Variants in SLC24A2 observed in about 807,000 individuals in gnomAD.
The protein encoded by SLC24A2 is solute carrier family 24 member 2.
Under a neutral mutation model 62.0 loss-of-function variants are expected in SLC24A2, and 36 were observed. The observed-to-expected ratio is 0.58, with a 90% confidence interval of 0.44 to 0.77. SLC24A2 has a LOEUF of 0.77. Ranked by LOEUF, SLC24A2 falls within the 30% of genes least tolerant of loss-of-function variation. The probability of loss-of-function intolerance (pLI) is 0.00; values close to 1 mark genes in which losing one functional copy is unlikely to be tolerated. For synonymous variants in SLC24A2, 358 were observed against 294.0 expected, an observed-to-expected ratio of 1.22 and a Z score of -2.23; for missense variants, 846 against 817.9, an observed-to-expected ratio of 1.03 and a Z score of -0.42.
At chr9:20,108,757 G>A in the SLC24A2 span, among the ~76,000 whole-genome samples, 37 of 151,846 alleles carry the variant, frequency 2.4e-4, no homozygotes, top group African/African-American at 8.0e-4. Flanking sequence ...TAAATGATGA[G>A]TTAATGGGTG....
chr9:19,549,980 C>A (rs73645420), intron 8 of SLC24A2, among the ~76,000 whole-genome samples, 157 bp downstream of exon 8: 1 of 151,990 alleles, frequency 6.6e-6, no homozygotes, highest in African/African-American at 2.4e-5. Flanking sequence ...AATATTTTTT[C>A]TTGTTACATA....
the SLC24A2 span, among the ~76,000 whole-genome samples, chr9:19,925,547 C>A: frequency 1.3e-5 from 2 of 152,152 alleles, no homozygotes; most frequent in African/African-American, 4.8e-5. Flanking sequence ...CAGCCAACAC[C>A]TGTACCAAGA....
chr9:20,201,545 T>G, the SLC24A2 span, among the ~76,000 whole-genome samples: 1 of 152,180 alleles, frequency 6.6e-6, no homozygotes, highest in Non-Finnish European at 1.5e-5. Flanking sequence ...AAAAGAGAGC[T>G]GTCATGTTAC....
the SLC24A2 span, among the ~76,000 whole-genome samples, chr9:19,886,255 C>A: frequency 6.6e-6 from 1 of 152,302 alleles, no homozygotes; most frequent in Non-Finnish European, 1.5e-5. Flanking sequence ...ACCTCTCCAG[C>A]ATCTATGATT....
At chr9:20,127,865 A>T in the SLC24A2 span, among the ~76,000 whole-genome samples, 1 of 152,120 alleles carries the variant, frequency 6.6e-6, no homozygotes, top group African/African-American at 2.4e-5. Flanking sequence ...TAGAGGAGAG[A>T]CGGTCACTCT....
chr9:19,649,084 T>C (rs1417101975), intron 2 of SLC24A2, among the ~76,000 whole-genome samples: 1 of 149,370 alleles, frequency 6.7e-6, no homozygotes, highest in Non-Finnish European at 1.5e-5. Context: ...TCTAGAAAAG[T>C]TCCAAGGTCA....
rs78928246 is a variant in SLC24A2 at position 19,703,803 on chromosome 9, C to T, written c.931-81504G>A. Among the ~76,000 whole-genome samples, 534 of 152,172 alleles carry T rather than the reference C, an allele frequency of 3.5e-3. 2 individuals carry two copies. Among genetic ancestry groups the T allele is most frequent in the Middle Eastern group, 0.01 (3 of 294 alleles). On this transcript the variant is annotated intron_variant, in intron 2 of 10. Transcript: ENST00000341998. ...AAGTACTATGGCTACATTTTATAGT[C>T]TTATGTGCTATGAAGTATGTAATCA...
intron 7 of SLC24A2, among the ~76,000 whole-genome samples, chr9:19,561,333 T>C: frequency 6.6e-6 from 1 of 152,108 alleles, no homozygotes; most frequent in Admixed American, 6.5e-5. Flanking sequence ...AAGAGGTAAG[T>C]TTACGTGTTT....
At chr9:20,081,766 C>G in the SLC24A2 span, among the ~76,000 whole-genome samples, 7 of 152,230 alleles carry the variant, frequency 4.6e-5, no homozygotes, top group East Asian at 1.3e-3. Context: ...CAATTTTAAT[C>G]ATTACTGGCC....
At chr9:20,208,203 G>C in the SLC24A2 span, among the ~76,000 whole-genome samples, 1 of 152,210 alleles carries the variant, frequency 6.6e-6, no homozygotes, top group Non-Finnish European at 1.5e-5. Context: ...GTTAACCACA[G>C]GGAAAATGCT....
chr9:20,001,516 C>T, the SLC24A2 span, among the ~76,000 whole-genome samples: 2 of 152,324 alleles, frequency 1.3e-5, no homozygotes, highest in South Asian at 4.1e-4. Flanking sequence ...TGTCAAGGCC[C>T]TGCCTTTTTT....
chr9:19,899,195 C>A, the SLC24A2 span, among the ~76,000 whole-genome samples: 1 of 152,214 alleles, frequency 6.6e-6, no homozygotes, highest in African/African-American at 2.4e-5. Flanking sequence ...CTAAGTCACA[C>A]ACCTATGCTC....
At chr9:20,196,468 C>T in the SLC24A2 span, among the ~76,000 whole-genome samples, 75,293 of 152,032 alleles carry the variant, frequency 0.5, 19,889 homozygotes, top group East Asian at 0.7. Context: ...GTGAATTTAT[C>T]GCCTTTATTT....
At chr9:19,928,234 C>G in the SLC24A2 span, 15 of 152,218 alleles carry the variant, frequency 9.9e-5, no homozygotes, top group Non-Finnish European at 1.5e-5. Flanking sequence ...AAGCGGCTGC[C>G]CACTCAGAAT....
At chr9:20,076,679 T>G in the SLC24A2 span, among the ~76,000 whole-genome samples, 1 of 151,586 alleles carries the variant, frequency 6.6e-6, no homozygotes, top group Non-Finnish European at 1.5e-5. Context: ...TACAGAGAGC[T>G]AAAGGGAAGA....
chr9:19,731,146 C>T (rs1412335693), intron 2 of SLC24A2, among the ~76,000 whole-genome samples: 2 of 152,062 alleles, frequency 1.3e-5, no homozygotes, highest in South Asian at 4.1e-4. Flanking sequence ...CGATATCAAG[C>T]CCCAAATAAA....
At chr9:20,257,546 T>C in the SLC24A2 span, among the ~76,000 whole-genome samples, 1 of 152,152 alleles carries the variant, frequency 6.6e-6, no homozygotes, top group Non-Finnish European at 1.5e-5. Context: ...TGGCGTGTCA[T>C]TGGGCCTCTG....
chr9:19,650,310 G>T (rs1031350057), intron 2 of SLC24A2, among the ~76,000 whole-genome samples: 8 of 152,332 alleles, frequency 5.3e-5, no homozygotes, highest in Admixed American at 3.9e-4. Flanking sequence ...GGGGATGAAT[G>T]CTGAAATCAT....
chr9:20,167,738 G>T, the SLC24A2 span, among the ~76,000 whole-genome samples: 1 of 151,906 alleles, frequency 6.6e-6, no homozygotes, highest in Non-Finnish European at 1.5e-5. Flanking sequence ...TATAATACAA[G>T]ATACTGGGTC....
Sources: gnomAD v4.1 joint callset for allele counts (sites outside exome capture counted in the v4.1 genomes callset) on GRCh38, gnomAD v4.1.1 for gene constraint, MANE v1.5 for transcripts, NCBI Gene and HGNC (gene_info 2026-07-23, HGNC 2026-07-21) for gene names.